The following ZC3HAV1 variants were observed in gnomAD, a reference collection of about 807,000 sequenced individuals.
ZC3HAV1 encodes zinc finger CCCH-type containing, antiviral 1, also known as zinc finger CCCH-type antiviral protein 1.
ZC3HAV1 carries 41 observed loss-of-function variants against 86.6 expected under a neutral mutation model. That is an observed-to-expected ratio of 0.47 (90% CI 0.37 to 0.61). The LOEUF is 0.61. Ranked by LOEUF, ZC3HAV1 falls within the 20% of genes least tolerant of loss-of-function variation. The probability of loss-of-function intolerance (pLI) is 0.00; values close to 1 mark genes in which losing one functional copy is unlikely to be tolerated. For missense variants in ZC3HAV1, 964 were observed against 1,141.1 expected, an observed-to-expected ratio of 0.84 and a Z score of 2.24; for synonymous variants, 421 against 432.1, an observed-to-expected ratio of 0.97 and a Z score of 0.32.
chr7:139,087,363 C>CAG (rs1160228026), intron 2 of ZC3HAV1, among the ~76,000 whole-genome samples: 3 of 148,246 alleles, frequency 2.0e-5, no homozygotes, highest in Non-Finnish European at 4.5e-5. Context: ...GGAAATGAGA[C>CAG]AGAGAGAGAC....
rs535656617 is a variant in ZC3HAV1 at position 139,051,247 on chromosome 7, G to A, written c.2449+2204C>T. 4.6e-5 allele frequency among the ~76,000 whole-genome samples: 7 copies of A among 151,628 alleles called. No individual in the cohort carries two copies. In the South Asian group the frequency reaches 6.3e-4, roughly 14 times the overall value. ...TAATTTTTGTATTTTTAGTAGAAAC[G>A]GGGTTTCACCATGTTGACCAGGCTG... On this transcript the variant is annotated intron_variant, in intron 12 of 12. Transcript: ENST00000242351.
At chr7:139,081,757 T>C (rs1318548595) in intron 3 of ZC3HAV1, among the ~76,000 whole-genome samples, 1 of 152,256 alleles carries the variant, frequency 6.6e-6, no homozygotes, top group Non-Finnish European at 1.5e-5. Context: ...GTGGTTTCAC[T>C]GTGAGGAACA....
chr7:139,071,771 T>C (rs1289160806), intron 7 of ZC3HAV1, among the ~76,000 whole-genome samples: 1 of 152,220 alleles, frequency 6.6e-6, no homozygotes, highest in East Asian at 1.9e-4. Context: ...CATATCCTAT[T>C]CCACCAGGGC....
intron 1 of ZC3HAV1, among the ~76,000 whole-genome samples, chr7:139,106,492 TA>T: frequency 6.6e-6 from 1 of 152,256 alleles, no homozygotes; most frequent in Non-Finnish European, 1.5e-5. Context: ...CACACACCTA[TA>T]ATCCCAGCTA....
Position 139,109,589 on chromosome 7 carries a change from A to G in ZC3HAV1, c.-258T>C, listed in dbSNP as rs1203563404. The G allele has an allele frequency of 7.0e-6, 3 of 426,728 alleles. No individual in the cohort carries two copies. The highest frequency in any genetic ancestry group is 1.2e-5 in the Non-Finnish European group (3 of 242,622). 26.4% of individuals were successfully genotyped at this position (426,728 alleles called of 1,614,324 possible). ...CGGCCGCAAGGGCAACTGGGTGGAA[A>G]GAAAGAGAACGCGCGGGCAAATCTG... On this transcript the variant is annotated 5_prime_UTR_variant, in exon 1 of 13. Coordinates refer to ENST00000242351, the MANE Select transcript of ZC3HAV1 (RefSeq NM_020119.4).
At chr7:139,097,428 A>ATATATATATTTTTTTTTTT in intron 1 of ZC3HAV1, among the ~76,000 whole-genome samples, 2 of 48,158 alleles carry the variant, frequency 4.2e-5, no homozygotes, top group African/African-American at 1.1e-4. Context: ...ATATATATAT[A>ATATATATATTTTTTTTTTT]TTTTTTTTTT....
chr7:139,088,822 G>A (rs900153240), intron 2 of ZC3HAV1, among the ~76,000 whole-genome samples: 2 of 152,196 alleles, frequency 1.3e-5, no homozygotes, highest in Non-Finnish European at 2.9e-5. Context: ...ATAAAAACAG[G>A]CCGGGTATGG....
chr7:139,091,991 G>T (rs184559790), intron 1 of ZC3HAV1, among the ~76,000 whole-genome samples: 1 of 152,100 alleles, frequency 6.6e-6, no homozygotes, highest in Non-Finnish European at 1.5e-5. Flanking sequence ...GAAGGGGCTA[G>T]ATTTTCTTTT....
chr7:139,062,513 TGTTTCATTTTCTCCACC>T (rs1168700512), intron 8 of ZC3HAV1, among the ~76,000 whole-genome samples: 1 of 152,382 alleles, frequency 6.6e-6, no homozygotes, highest in South Asian at 2.1e-4. Flanking sequence ...TTCCTTGCAC[TGTTTCATTTTCTCCACC>T]GTTTCATTTT....
At chr7:139,084,242 G>T (rs551606613) in intron 2 of ZC3HAV1, among the ~76,000 whole-genome samples, 1 of 152,172 alleles carries the variant, frequency 6.6e-6, no homozygotes, top group Non-Finnish European at 1.5e-5. Context: ...CTAACCAAAA[G>T]ATACTGATCA....
At chr7:139,047,910 A>G (rs1390559298) in intron 12 of ZC3HAV1, 57 bp from the exon 13 acceptor site, 26 of 1,553,030 alleles carry the variant, frequency 1.7e-5, no homozygotes, top group Non-Finnish European at 2.3e-5. Context: ...TATACAGTTT[A>G]TAAGATTTGT....
At chr7:139,089,849 C>G (rs529120391) in intron 1 of ZC3HAV1, 90 bp from the exon 2 acceptor site, 4 of 1,393,118 alleles carry the variant, frequency 2.9e-6, no homozygotes, top group Non-Finnish European at 3.8e-6. Context: ...CTGCAAAGAC[C>G]CGTGCCCATA....
chr7:139,067,382 C>A (rs1284402277), intron 7 of ZC3HAV1, among the ~76,000 whole-genome samples: 1 of 152,174 alleles, frequency 6.6e-6, no homozygotes, highest in Non-Finnish European at 1.5e-5. Flanking sequence ...AACTCCTGAC[C>A]TCAGGTGATC....
chr7:139,058,181 T>G (rs1816341776), intron 9 of ZC3HAV1, among the ~76,000 whole-genome samples: 1 of 135,964 alleles, frequency 7.4e-6, no homozygotes, highest in Non-Finnish European at 1.6e-5. Context: ...TAACATGTTT[T>G]TCTAATTTAT....
chr7:139,058,308 G>T (rs1415925065), intron 9 of ZC3HAV1, among the ~76,000 whole-genome samples: 1 of 151,934 alleles, frequency 6.6e-6, no homozygotes, highest in Non-Finnish European at 1.5e-5. Flanking sequence ...AAAAAAATTA[G>T]TCAGGTGTAG....
chr7:139,072,613 G>A (rs1007037535), intron 7 of ZC3HAV1, among the ~76,000 whole-genome samples: 2 of 152,148 alleles, frequency 1.3e-5, no homozygotes, highest in Non-Finnish European at 2.9e-5. Context: ...AAGGGAGGAA[G>A]GGACACTGAG....
intron 1 of ZC3HAV1, among the ~76,000 whole-genome samples, chr7:139,105,042 A>G (rs1308830740): frequency 6.6e-6 from 1 of 151,080 alleles, no homozygotes; most frequent in East Asian, 1.9e-4. Flanking sequence ...CAAAAAAAAA[A>G]AAAAAAAAAA....
chr7:139,055,908 T>C (rs778999607), intron 9 of ZC3HAV1, among the ~76,000 whole-genome samples: 2 of 152,158 alleles, frequency 1.3e-5, no homozygotes, highest in Non-Finnish European at 2.9e-5. Flanking sequence ...AAGTGAAAGA[T>C]CAGATGAATA....
intron 11 of ZC3HAV1, 143 bp from the exon 12 acceptor site, chr7:139,053,724 C>T: frequency 8.4e-7 from 1 of 1,187,798 alleles, no homozygotes; most frequent in Non-Finnish European, 1.1e-6. Context: ...AAGGCAGCAG[C>T]TGTACAATAA....
Sources: gnomAD v4.1 joint callset for allele counts (sites outside exome capture counted in the v4.1 genomes callset) on GRCh38, gnomAD v4.1.1 for gene constraint, MANE v1.5 for transcripts, NCBI Gene and HGNC (gene_info 2026-07-23, HGNC 2026-07-21) for gene names.